SLIT3: variants seen among roughly 807,000 people sequenced by gnomAD.
The protein encoded by SLIT3 is slit guidance ligand 3, also known as slit homolog 3 protein.
Under a neutral mutation model 184.0 loss-of-function variants are expected in SLIT3, and 68 were observed. The observed-to-expected ratio is 0.37, with a 90% CI of 0.30 to 0.45. SLIT3 has a LOEUF of 0.45. SLIT3 is among the 20% of genes least tolerant of loss of function. The pLI is 1.00. For missense variants in SLIT3, 1,707 were observed against 2,026.0 expected (o/e 0.84, Z 3.02); for synonymous variants, 831 against 828.6 (o/e 1.00, Z -0.05).
At chr5:168,779,061 C>T (rs2113556481) in intron 12 of SLIT3, among the ~76,000 whole-genome samples, 1 of 152,340 alleles carries the variant, frequency 6.6e-6, no homozygotes, top group African/African-American at 2.4e-5. Context: ...GCCACATGGC[C>T]TAACAGGTAA....
chr5:169,083,086 C>T (rs1040314399), intron 4 of SLIT3, among the ~76,000 whole-genome samples: 7 of 152,152 alleles, frequency 4.6e-5, no homozygotes, highest in Admixed American at 2.0e-4. Context: ...TGAGAAGAAA[C>T]ATCATTACTC....
At chr5:168,985,599 G>A (rs62378596) in intron 4 of SLIT3, among the ~76,000 whole-genome samples, 3,570 of 152,236 alleles carry the variant, frequency 0.023, 58 homozygotes, top group Non-Finnish European at 0.035. Flanking sequence ...CCTATGCATG[G>A]TGGGCGCAGC....
chr5:168,667,297 A>C (rs1761088154), intron 35 of SLIT3, among the ~76,000 whole-genome samples: 1 of 152,236 alleles, frequency 6.6e-6, no homozygotes, highest in Non-Finnish European at 1.5e-5. Flanking sequence ...TTTAATAAAG[A>C]AACTGAGGTA....
intron 4 of SLIT3, among the ~76,000 whole-genome samples, chr5:168,893,613 C>A (rs1463195648): frequency 6.6e-6 from 1 of 152,140 alleles, no homozygotes; most frequent in Non-Finnish European, 1.5e-5. Flanking sequence ...CGTCCTTGTT[C>A]CCGTGTCTTC....
intron 12 of SLIT3, among the ~76,000 whole-genome samples, chr5:168,776,601 T>C (rs1290682479): frequency 6.6e-6 from 1 of 152,164 alleles, no homozygotes; most frequent in Admixed American, 6.5e-5. Context: ...AGGGCTCAGT[T>C]TCTTCTTTAC....
intron 4 of SLIT3, among the ~76,000 whole-genome samples, chr5:169,050,599 G>A (rs923094655): frequency 6.6e-6 from 1 of 152,124 alleles, no homozygotes. Flanking sequence ...CTGCCCTTAT[G>A]AAATTTATAG....
chr5:168,726,063 T>C (rs781170516), intron 20 of SLIT3, among the ~76,000 whole-genome samples: 27 of 152,044 alleles, frequency 1.8e-4, no homozygotes, highest in Non-Finnish European at 3.7e-4. Context: ...GATCCTCGAT[T>C]GTGTACACAT....
intron 4 of SLIT3, among the ~76,000 whole-genome samples, chr5:168,985,382 C>A (rs1346844101): frequency 6.6e-6 from 1 of 152,172 alleles, no homozygotes; most frequent in African/African-American, 2.4e-5. Context: ...AATCTCTGAA[C>A]TGCCGTGGAG....
At chr5:169,119,705 T>G (rs532271251) in intron 4 of SLIT3, among the ~76,000 whole-genome samples, 2 of 152,356 alleles carry the variant, frequency 1.3e-5, no homozygotes, top group East Asian at 3.9e-4. Context: ...AACACCCAAC[T>G]GTGGCACGCT....
chr5:168,982,613 G>T lies in SLIT3; in HGVS notation c.414-99277C>A, dbSNP rs75281231. 7.2e-4 allele frequency among the ~76,000 whole-genome samples: 110 copies of T among 152,254 alleles called. 1 individual carries two copies. The East Asian group carries it at 0.02, about 28-fold the overall frequency. On this transcript the variant is annotated intron_variant, in intron 4 of 35. Coordinates refer to ENST00000519560, the MANE Select transcript of SLIT3 (RefSeq NM_003062.4). ...TTACAAATGTATTAGTCTATAGGTT[G>T]CAGTCTTTTAAGAAAAAAATCCATC...
At chr5:168,674,490 T>C (rs1310445074) in intron 32 of SLIT3, among the ~76,000 whole-genome samples, 3 of 70,632 alleles carry the variant, frequency 4.2e-5, no homozygotes, top group African/African-American at 1.7e-4. Context: ...GGATATTCAC[T>C]TTTTTTTTTT....
intron 11 of SLIT3, among the ~76,000 whole-genome samples, chr5:168,788,598 T>A (rs986945712): frequency 1.5e-5 from 2 of 133,164 alleles, no homozygotes; most frequent in African/African-American, 8.4e-5. Flanking sequence ...AAAACAAGAT[T>A]TTTTTTTGAC....
intron 3 of SLIT3, among the ~76,000 whole-genome samples, chr5:169,209,210 A>T (rs1764171283): frequency 6.6e-6 from 1 of 152,246 alleles, no homozygotes; most frequent in South Asian, 2.1e-4. Flanking sequence ...AAAGCTCATC[A>T]TCACTGGTCA....
chr5:168,764,592 T>C (rs1028842675), intron 14 of SLIT3, among the ~76,000 whole-genome samples: 2 of 152,216 alleles, frequency 1.3e-5, no homozygotes, highest in African/African-American at 4.8e-5. Context: ...TAGTTTTGCA[T>C]GCCTTCTGTG....
chr5:168,684,120 T>C (rs930263168), intron 31 of SLIT3, 24 bp from the exon 32 acceptor site: 4 of 1,557,466 alleles, frequency 2.6e-6, no homozygotes, highest in South Asian at 1.2e-5. Flanking sequence ...CCGGGGCGTG[T>C]TAGTAAGGGC....
intron 5 of SLIT3, among the ~76,000 whole-genome samples, chr5:168,878,411 G>A (rs891362381): frequency 1.3e-5 from 2 of 152,180 alleles, no homozygotes; most frequent in South Asian, 2.1e-4. Flanking sequence ...GGCCGCCTGC[G>A]TCCTTTCTCT....
At chr5:169,256,877 C>T (rs1288870723) in intron 1 of SLIT3, among the ~76,000 whole-genome samples, 2 of 152,078 alleles carry the variant, frequency 1.3e-5, no homozygotes, top group Non-Finnish European at 2.9e-5. Flanking sequence ...ATTAGAGATG[C>T]CCCTCCCTCC....
chr5:169,180,973 GAA>G (rs889913687), intron 4 of SLIT3, among the ~76,000 whole-genome samples: 33 of 152,240 alleles, frequency 2.2e-4, no homozygotes, highest in African/African-American at 7.5e-4. Context: ...CTCTTCCAGG[GAA>G]AAGAGAGCTC....
At chr5:168,911,710 A>G (rs1761259522) in intron 4 of SLIT3, among the ~76,000 whole-genome samples, 1 of 152,218 alleles carries the variant, frequency 6.6e-6, no homozygotes, top group Admixed American at 6.5e-5. Flanking sequence ...GAAAGCCAGC[A>G]GTTTAGAGCA....
Sources: allele counts gnomAD v4.1 joint callset (sites outside exome capture counted in the v4.1 genomes callset), GRCh38; gene constraint gnomAD v4.1.1; transcripts MANE v1.5; gene names NCBI Gene and HGNC (gene_info 2026-07-23, HGNC 2026-07-21).